Variants in PRKG1 observed in about 807,000 individuals in gnomAD.
PRKG1 encodes cGMP-dependent protein kinase 1.
A neutral mutation model predicts 88.1 loss-of-function variants in PRKG1; 35 were observed. The observed-to-expected ratio is 0.40, with a 90% CI of 0.30 to 0.53. The LOEUF (loss-of-function observed/expected upper bound fraction) is 0.53, where lower values mean the gene tolerates loss of function less well. PRKG1 is among the 20% of genes least tolerant of loss of function. The pLI is 0.59. For missense variants in PRKG1, 540 were observed against 839.8 expected, an observed-to-expected ratio of 0.64 and a Z score of 4.41; for synonymous variants, 303 against 292.5, an observed-to-expected ratio of 1.04 and a Z score of -0.37.
intron 2 of PRKG1, among the ~76,000 whole-genome samples, chr10:51,257,446 A>T: frequency 6.6e-6 from 1 of 152,154 alleles, no homozygotes; most frequent in East Asian, 1.9e-4. Flanking sequence ...TAACCAGAAT[A>T]CTTTGGGTTG....
At chr10:51,989,612 A>T (rs1844251049) in intron 5 of PRKG1, among the ~76,000 whole-genome samples, 1 of 152,018 alleles carries the variant, frequency 6.6e-6, no homozygotes, top group African/African-American at 2.4e-5. Context: ...AAACTTAAAA[A>T]TTATGAAGAG....
At chr10:51,591,618 C>A (rs186322860) in intron 3 of PRKG1, among the ~76,000 whole-genome samples, 1 of 152,180 alleles carries the variant, frequency 6.6e-6, no homozygotes, top group African/African-American at 2.4e-5. Flanking sequence ...GACTATTCTG[C>A]AATAAAATAT....
chr10:52,163,844 T>G (rs905418594), intron 9 of PRKG1, among the ~76,000 whole-genome samples: 3 of 152,152 alleles, frequency 2.0e-5, no homozygotes, highest in African/African-American at 7.2e-5. Context: ...ATGGCAACAA[T>G]TCTTAACTTT....
intron 3 of PRKG1, among the ~76,000 whole-genome samples, chr10:51,684,230 A>T (rs1840927297): frequency 6.6e-6 from 1 of 152,206 alleles, no homozygotes; most frequent in Admixed American, 6.5e-5. Context: ...TATGTTAAGT[A>T]AAAGAAGCTG....
intron 7 of PRKG1, among the ~76,000 whole-genome samples, chr10:52,102,638 G>A (rs567009716): frequency 1.7e-4 from 20 of 117,960 alleles, no homozygotes; most frequent in African/African-American, 5.3e-4. Flanking sequence ...TTCAAGATAG[G>A]GATCTTGGAG....
chr10:51,881,877 C>T (rs10762461), intron 4 of PRKG1, among the ~76,000 whole-genome samples: 27,691 of 151,992 alleles, frequency 0.18, 2,979 homozygotes, highest in East Asian at 0.48. Context: ...AAGTTAGATG[C>T]ATCACAGAAC....
chr10:52,024,493 C>A (rs189447462), intron 5 of PRKG1, among the ~76,000 whole-genome samples: 1 of 151,956 alleles, frequency 6.6e-6, no homozygotes, highest in South Asian at 2.1e-4. Flanking sequence ...CCCCACCCCA[C>A]GACAGGCCCC....
At chr10:52,173,446 C>A (rs1012627296) in intron 9 of PRKG1, among the ~76,000 whole-genome samples, 2 of 152,036 alleles carry the variant, frequency 1.3e-5, no homozygotes, top group Non-Finnish European at 2.9e-5. Context: ...AATATTTCCC[C>A]CATGAATCCT....
chr10:51,847,553 A>G (rs1246493948), intron 4 of PRKG1, among the ~76,000 whole-genome samples: 1 of 151,864 alleles, frequency 6.6e-6, no homozygotes, highest in South Asian at 2.1e-4. Flanking sequence ...ATTTTATTAT[A>G]TATAAAGCAT....
intron 3 of PRKG1, among the ~76,000 whole-genome samples, chr10:51,646,939 C>T (rs959911056): frequency 2.6e-5 from 4 of 151,820 alleles, no homozygotes; most frequent in Non-Finnish European, 4.4e-5. Context: ...AAGCTCATTC[C>T]TTGGTGTTAA....
chr10:51,353,801 T>C (rs1189313), intron 2 of PRKG1, among the ~76,000 whole-genome samples: 5,422 of 152,236 alleles, frequency 0.036, 336 homozygotes, highest in African/African-American at 0.12. Flanking sequence ...GCTGGGTGTA[T>C]ACCCAAAAGA....
intron 4 of PRKG1, among the ~76,000 whole-genome samples, chr10:51,822,202 T>G (rs565483029): frequency 1.3e-5 from 2 of 152,228 alleles, no homozygotes; most frequent in South Asian, 4.1e-4. Context: ...TGTGTGTATT[T>G]ATATGTGTGT....
intron 4 of PRKG1, among the ~76,000 whole-genome samples, chr10:51,846,508 A>G (rs1221323508): frequency 1.3e-5 from 2 of 152,172 alleles, no homozygotes; most frequent in Non-Finnish European, 2.9e-5. Flanking sequence ...TAATGCAACC[A>G]TTTGTTTACC....
At chr10:51,066,172 G>GT (rs1843747568) in intron 1 of PRKG1, among the ~76,000 whole-genome samples, 1 of 152,074 alleles carries the variant, frequency 6.6e-6, no homozygotes, top group Admixed American at 6.6e-5. Context: ...AAGGATCACT[G>GT]TAACACTTTG....
chr10:51,095,337 T>C (rs1399857509), intron 1 of PRKG1, among the ~76,000 whole-genome samples: 1 of 152,134 alleles, frequency 6.6e-6, no homozygotes, highest in South Asian at 2.1e-4. Flanking sequence ...TCCCAAAATG[T>C]TTTGGTCAAA....
chr10:51,487,562 C>G (rs1381991666), intron 3 of PRKG1, among the ~76,000 whole-genome samples: 1 of 152,052 alleles, frequency 6.6e-6, no homozygotes, highest in Admixed American at 6.6e-5. Flanking sequence ...TTGTATAATC[C>G]CTTTCCGTTG....
At chr10:51,684,673 A>C (rs1158427308) in intron 3 of PRKG1, among the ~76,000 whole-genome samples, 1 of 151,986 alleles carries the variant, frequency 6.6e-6, no homozygotes, top group African/African-American at 2.4e-5. Context: ...GTTCGAGACC[A>C]CCCAGGTCAT....
intron 3 of PRKG1, among the ~76,000 whole-genome samples, chr10:51,743,417 A>G (rs1837485731): frequency 6.6e-6 from 1 of 151,738 alleles, no homozygotes. Flanking sequence ...CTGCTCCAGG[A>G]GATGAAAGTG....
chr10:51,563,403 C>T (rs919955170), intron 3 of PRKG1, among the ~76,000 whole-genome samples: 3 of 151,722 alleles, frequency 2.0e-5, no homozygotes, highest in African/African-American at 7.3e-5. Context: ...CACTATGTAC[C>T]CCATGAATAT....
Sources: gnomAD v4.1 joint callset for allele counts (sites outside exome capture counted in the v4.1 genomes callset) on GRCh38, gnomAD v4.1.1 for gene constraint, MANE v1.5 for transcripts, NCBI Gene and HGNC (gene_info 2026-07-23, HGNC 2026-07-21) for gene names.